The following ULK4 variants were observed in gnomAD, a reference collection of about 807,000 sequenced individuals.
ULK4 encodes unc-51 like kinase 4.
In ULK4, 133 loss-of-function variants were observed where a neutral mutation model predicts 160.6. The observed-to-expected ratio is 0.83, with a 90% CI of 0.72 to 0.96. The LOEUF (loss-of-function observed/expected upper bound fraction) is 0.96, where lower values mean the gene tolerates loss of function less well. Ranked by LOEUF, ULK4 falls within the 40% of genes least tolerant of loss-of-function variation. ULK4 has a pLI of 0.00. For missense variants in ULK4, 1,580 were observed against 1,499.5 expected (o/e 1.05, Z -0.89); for synonymous variants, 534 against 539.8 (o/e 0.99, Z 0.15).
At chr3:41,866,767 TCATTATTAAA>T (rs1368702378) in intron 17 of ULK4, among the ~76,000 whole-genome samples, 1 of 127,990 alleles carries the variant, frequency 7.8e-6, no homozygotes, top group Non-Finnish European at 1.5e-5. Context: ...GGAACTGTTA[TCATTATTAAA>T]AACTGGAAGG....
intron 5 of ULK4, 70 bp downstream of exon 5, chr3:41,931,774 T>C (rs758662182): frequency 2.4e-5 from 37 of 1,533,868 alleles, no homozygotes; most frequent in Admixed American, 3.8e-5. Context: ...ACTGACATTG[T>C]CTCCTAAACA....
chr3:41,902,777 A>T (rs1698422733), intron 12 of ULK4, among the ~76,000 whole-genome samples: 1 of 152,216 alleles, frequency 6.6e-6, no homozygotes, highest in Non-Finnish European at 1.5e-5. Context: ...GGCAAACTTA[A>T]CATTGCTGCT....
At chr3:41,480,231 T>G (rs1377698276) in intron 32 of ULK4, among the ~76,000 whole-genome samples, 1 of 140,946 alleles carries the variant, frequency 7.1e-6, no homozygotes, top group African/African-American at 2.6e-5. Context: ...AAAAAAAAAG[T>G]ATCATACAGA....
In ULK4 at chr3:41,374,397, T is replaced by G. The variant is rs113383905; in HGVS notation, c.3678+23682A>C. Among the ~76,000 whole-genome samples the G allele has an allele frequency of 8.1e-3, 1,235 of 152,302 alleles. 16 individuals are homozygous for G. Among genetic ancestry groups the G allele is most frequent in the African/African-American group, 0.028 (1,181 of 41,544 alleles). ...GATGTGAAAATCCTCAACAAAATGC[T>G]GGCAAATGGAATCCAGCAGCACATC... On this transcript the variant is annotated intron_variant, in intron 35 of 36. Coordinates refer to ENST00000301831, the MANE Select transcript of ULK4 (RefSeq NM_017886.4).
At chr3:41,519,272 T>C (rs1037492841) in intron 32 of ULK4, among the ~76,000 whole-genome samples, 2 of 152,184 alleles carry the variant, frequency 1.3e-5, no homozygotes, top group Non-Finnish European at 2.9e-5. Context: ...ACCTCCTCTG[T>C]GCCTCACAGG....
intron 35 of ULK4, 143 bp from the exon 36 acceptor site, chr3:41,249,717 AC>A: frequency 3.9e-6 from 3 of 776,742 alleles, no homozygotes; most frequent in Non-Finnish European, 6.1e-6. Flanking sequence ...CTTGTCTGTA[AC>A]CCCCATGCGT....
chr3:41,267,983 C>T (rs1029472826), intron 35 of ULK4, among the ~76,000 whole-genome samples: 19 of 152,228 alleles, frequency 1.2e-4, no homozygotes, highest in African/African-American at 1.4e-4. Flanking sequence ...ATGGCACAGC[C>T]GACTACTTCA....
intron 18 of ULK4, among the ~76,000 whole-genome samples, chr3:41,831,483 A>G (rs1015676570): frequency 1.4e-4 from 20 of 146,456 alleles, no homozygotes; most frequent in African/African-American, 5.2e-4. Context: ...TGGAGCTTAC[A>G]TTGAAAAATA....
intron 22 of ULK4, among the ~76,000 whole-genome samples, chr3:41,729,657 T>C (rs564613408): frequency 4.7e-4 from 72 of 152,272 alleles, no homozygotes; most frequent in African/African-American, 1.7e-3. Flanking sequence ...CTTGTTACTT[T>C]CAACTCCGGA....
At chr3:41,285,083 A>G (rs1464723203) in intron 35 of ULK4, among the ~76,000 whole-genome samples, 3 of 152,192 alleles carry the variant, frequency 2.0e-5, no homozygotes, top group Non-Finnish European at 4.4e-5. Context: ...CAAAAAAATC[A>G]CAAAACAGTA....
At chr3:41,819,994 C>T (rs572702065) in intron 18 of ULK4, among the ~76,000 whole-genome samples, 22 of 152,148 alleles carry the variant, frequency 1.4e-4, no homozygotes, top group African/African-American at 2.9e-4. Context: ...AGCAAATAAG[C>T]GGGTACACTG....
intron 29 of ULK4, among the ~76,000 whole-genome samples, chr3:41,663,910 G>C (rs1232932876): frequency 6.6e-6 from 1 of 151,982 alleles, no homozygotes; most frequent in Non-Finnish European, 1.5e-5. Flanking sequence ...ACCAAATATA[G>C]AAAGACAAAA....
intron 35 of ULK4, among the ~76,000 whole-genome samples, chr3:41,363,337 C>T (rs544536437): frequency 6.6e-6 from 1 of 152,328 alleles, no homozygotes; most frequent in African/African-American, 2.4e-5. Flanking sequence ...AAGTCATGAG[C>T]AGCTCTGTTG....
chr3:41,880,203 T>C (rs1468647069), intron 17 of ULK4, among the ~76,000 whole-genome samples: 2 of 152,194 alleles, frequency 1.3e-5, no homozygotes. Flanking sequence ...TCAGACTAAA[T>C]ATATTGGCTT....
chr3:41,433,674 A>G (rs1443013256), intron 34 of ULK4, among the ~76,000 whole-genome samples: 1 of 152,212 alleles, frequency 6.6e-6, no homozygotes, highest in Non-Finnish European at 1.5e-5. Context: ...AGTTATACAG[A>G]TTGAGCATCT....
chr3:41,832,735 T>C (rs1245184569), intron 18 of ULK4, among the ~76,000 whole-genome samples: 1 of 152,226 alleles, frequency 6.6e-6, no homozygotes, highest in Non-Finnish European at 1.5e-5. Flanking sequence ...AAGGAATGCA[T>C]CCAGTTTCAG....
chr3:41,507,583 C>A (rs1184961137), intron 32 of ULK4, among the ~76,000 whole-genome samples: 2 of 37,174 alleles, frequency 5.4e-5, no homozygotes, highest in Admixed American at 3.2e-4. Flanking sequence ...ACGGTAAAAA[C>A]AGCTGAAATA....
chr3:41,709,847 C>T (rs374740950), intron 25 of ULK4, among the ~76,000 whole-genome samples: 4 of 152,226 alleles, frequency 2.6e-5, no homozygotes, highest in East Asian at 3.9e-4. Flanking sequence ...AACACATGTA[C>T]GTAAATGTCT....
At chr3:41,262,219 A>G (rs1030128844) in intron 35 of ULK4, among the ~76,000 whole-genome samples, 17 of 152,264 alleles carry the variant, frequency 1.1e-4, no homozygotes, top group Non-Finnish European at 2.2e-4. Flanking sequence ...GGGAGTTGAC[A>G]TTTCCATGAG....
Sources: gnomAD v4.1 joint callset for allele counts (sites outside exome capture counted in the v4.1 genomes callset) on GRCh38, gnomAD v4.1.1 for gene constraint, MANE v1.5 for transcripts, NCBI Gene and HGNC (gene_info 2026-07-23, HGNC 2026-07-21) for gene names.